The following CEP120 variants were observed in gnomAD, a reference collection of about 807,000 sequenced individuals.
CEP120 encodes the protein centrosomal protein 120.
CEP120 carries 113 observed loss-of-function variants against 126.5 expected under a neutral mutation model. That is an observed-to-expected ratio of 0.89 (90% CI 0.77 to 1.04). The LOEUF is 1.04. Among genes scored for constraint, CEP120 ranks in the 50% least tolerant of loss-of-function variants. The pLI is 0.00. For missense variants in CEP120, 1,230 were observed against 1,155.7 expected (o/e 1.06, Z -0.93); for synonymous variants, 400 against 394.3 (o/e 1.01, Z -0.17).
chr5:123,366,587 G>A (rs1770476801), intron 17 of CEP120, among the ~76,000 whole-genome samples: 1 of 151,642 alleles, frequency 6.6e-6, no homozygotes, highest in South Asian at 2.1e-4. Context: ...CTGTCACAAG[G>A]AACTCTACAT....
At chr5:123,356,305 C>G (rs1217178571) in intron 18 of CEP120, among the ~76,000 whole-genome samples, 1 of 151,934 alleles carries the variant, frequency 6.6e-6, no homozygotes, top group East Asian at 1.9e-4. Flanking sequence ...TAGTTTTTTC[C>G]AATTCTGTGA....
intron 4 of CEP120, among the ~76,000 whole-genome samples, chr5:123,405,969 AG>A (rs1773618278): frequency 6.6e-6 from 1 of 152,206 alleles, no homozygotes; most frequent in African/African-American, 2.4e-5. Flanking sequence ...ACAGCATACA[AG>A]AACAGAGAGA....
intron 16 of CEP120, among the ~76,000 whole-genome samples, chr5:123,374,719 A>G (rs1220681218): frequency 6.6e-6 from 1 of 152,148 alleles, no homozygotes; most frequent in Non-Finnish European, 1.5e-5. Context: ...TCCATATGAC[A>G]GAAGTTTACC....
At chr5:123,357,964 T>C (rs1769766837) in intron 18 of CEP120, among the ~76,000 whole-genome samples, 2 of 152,126 alleles carry the variant, frequency 1.3e-5, no homozygotes, top group Non-Finnish European at 2.9e-5. Context: ...TAAAGATAAT[T>C]ATGTAATATT....
Position 123,383,008 on chromosome 5 carries a change from A to G in CEP120, c.1838T>C (p.Ile613Thr). The change falls in exon 12 of 20, where the codon ATT becomes ACT. Residue 613 changes from isoleucine (I) to threonine (T), a missense_variant. Coordinates refer to ENST00000306467, the MANE Select transcript of CEP120 (RefSeq NM_001375405.1). The stretch of plus-strand genomic sequence containing the variant: ...TACCTGAGATGAATCAGAGATAAAA[A>G]TCTCACGCATTTTTACTAGTCCATA... ...EDYGLVKMREIFISDSSQGVS... is the reference protein window; with the variant it reads ...EDYGLVKMRETFISDSSQGVS... The G allele has an allele frequency of 6.2e-7, 1 of 1,601,092 alleles. No individual in the cohort carries two copies.
chr5:123,346,783 G>A, intron 19 of CEP120, 30 bp from the exon 20 acceptor site: 2 of 1,477,234 alleles, frequency 1.4e-6, no homozygotes, highest in Non-Finnish European at 1.8e-6. Flanking sequence ...TGCCACTGTA[G>A]CAACTGTGTT....
rs1416701964 is a variant in CEP120, at chr5:123,384,975, C to T, written c.1739G>A (p.Ser580Asn). Residue 580 changes from serine (S) to asparagine (N), a missense_variant, in exon 11 of 20, where the codon AGT becomes AAT. By Grantham distance (46) the Ser-to-Asn change is conservative. Coordinates refer to ENST00000306467, the MANE Select transcript of CEP120 (RefSeq NM_001375405.1). ...EQCWRQTYSE[S>N]VPVIAAQGSN... ...CCCTTGTGCTGCTATAACAGGCACA[C>T]TTTCACTGTAAGTTTGACGCCAACA... 3.1e-6 allele frequency: 5 copies of T among 1,611,414 alleles called. No individual in the cohort carries two copies. The South Asian group carries it at 4.4e-5, about 14-fold the overall frequency.
chr5:123,374,272 GCAATGT>G (rs780097190), intron 16 of CEP120, among the ~76,000 whole-genome samples: 2 of 151,886 alleles, frequency 1.3e-5, no homozygotes, highest in African/African-American at 2.4e-5. Flanking sequence ...AATAATTGAG[GCAATGT>G]CAAAGACCTA....
At chr5:123,365,311 G>T (rs574289812) in intron 17 of CEP120, among the ~76,000 whole-genome samples, 1 of 151,700 alleles carries the variant, frequency 6.6e-6, no homozygotes, top group East Asian at 1.9e-4. Flanking sequence ...ATGAACTGAA[G>T]CCAACTTGGC....
chr5:123,416,145 A>C, intron 2 of CEP120, 21 bp from the exon 3 acceptor site: 1 of 1,433,966 alleles, frequency 7.0e-7, no homozygotes, highest in South Asian at 1.2e-5. Flanking sequence ...ACATGTGATA[A>C]ATAAAATGGT....
intron 19 of CEP120, 148 bp downstream of exon 19, chr5:123,349,796 A>C: frequency 1.1e-5 from 7 of 625,364 alleles, no homozygotes; most frequent in Non-Finnish European, 1.6e-5. Flanking sequence ...GCGCCACAGT[A>C]CCCAGCTGGC....
intron 19 of CEP120, among the ~76,000 whole-genome samples, chr5:123,348,914 G>C (rs1484855197): frequency 1.3e-5 from 2 of 152,102 alleles, no homozygotes; most frequent in Non-Finnish European, 2.9e-5. Flanking sequence ...TTGACTTCTA[G>C]CCTCTAGTAC....
chr5:123,401,266 G>A (rs1228996565), intron 4 of CEP120: 2 of 1,611,100 alleles, frequency 1.2e-6, no homozygotes, highest in African/African-American at 2.7e-5. Flanking sequence ...GCCCGCTGCA[G>A]GGCGGCCTCC....
chr5:123,401,463 C>T, intron 4 of CEP120: 1 of 1,288,406 alleles, frequency 7.8e-7, no homozygotes, highest in Admixed American at 1.7e-5. Context: ...CCATGCTTCC[C>T]AGCCAGACTC....
intron 11 of CEP120, among the ~76,000 whole-genome samples, chr5:123,384,087 TA>T (rs2127053333): frequency 6.6e-6 from 1 of 152,250 alleles, no homozygotes; most frequent in African/African-American, 2.4e-5. Context: ...AGTATGGCAA[TA>T]AAAGTTAATA....
Position 123,377,417 on chromosome 5 carries a change from T to C in CEP120, c.2315A>G (p.Lys772Arg). The change falls in exon 16 of 20, where the codon AAA becomes AGA. Residue 772 changes from lysine to arginine, a missense_variant. Lys to Arg is a conservative substitution (Grantham distance 26, BLOSUM62 2). Coordinates refer to ENST00000306467, the MANE Select transcript of CEP120 (RefSeq NM_001375405.1). ...TTTATCCTCTTCGAGCTGTTTGATT[T>C]TTAACCTTTCTAGTTCTACTTGGTG... ...CIHQVELERL[K>R]IKQLEEDKHR... 6.2e-7 allele frequency: 1 copy of C among 1,611,386 alleles called. No individual in the cohort carries two copies. Among genetic ancestry groups the C allele is most frequent in the Non-Finnish European group, 8.5e-7 (1 of 1,179,162 alleles).
intron 18 of CEP120, among the ~76,000 whole-genome samples, chr5:123,359,142 T>C (rs1444590987): frequency 6.6e-6 from 1 of 152,074 alleles, no homozygotes; most frequent in African/African-American, 2.4e-5. Flanking sequence ...CTGGACAAGA[T>C]AGTGCTGATG....
chr5:123,388,292 A>C, intron 9 of CEP120, 140 bp downstream of exon 9: 1 of 495,742 alleles, frequency 2.0e-6, no homozygotes. Context: ...AATCATTAGG[A>C]TATAGCCTTA....
intron 5 of CEP120, among the ~76,000 whole-genome samples, chr5:123,397,608 G>T (rs1772872070): frequency 6.6e-6 from 1 of 152,180 alleles, no homozygotes; most frequent in Non-Finnish European, 1.5e-5. Context: ...AGGAGAGAAA[G>T]AGTAAATGCT....
Sources: gnomAD v4.1 joint callset for allele counts (sites outside exome capture counted in the v4.1 genomes callset) on GRCh38, gnomAD v4.1.1 for gene constraint, MANE v1.5 for transcripts, NCBI Gene and HGNC (gene_info 2026-07-23, HGNC 2026-07-21) for gene names.